The following RP1L1 variants were observed in gnomAD, a reference collection of about 807,000 sequenced individuals.
The protein encoded by RP1L1 is retinitis pigmentosa 1-like 1 protein.
In RP1L1, 27 loss-of-function variants were observed where a neutral mutation model predicts 15.7. The observed-to-expected ratio is 1.72, with a 90% CI of 1.27 to 2.38. The LOEUF (loss-of-function observed/expected upper bound fraction) is 2.38, where lower values mean the gene tolerates loss of function less well. Among genes scored for constraint, RP1L1 ranks in the 30% most tolerant of loss-of-function variants. RP1L1 has a pLI of 0.00. For missense variants in RP1L1, 4,798 were observed against 3,075.9 expected (o/e 1.56, Z -13.24); for synonymous variants, 1,813 against 1,276.7 (o/e 1.42, Z -8.96).
chr8:10,624,473 A>T (rs1211263741), intron 1 of RP1L1, among the ~76,000 whole-genome samples: 2 of 152,220 alleles, frequency 1.3e-5, no homozygotes, highest in Admixed American at 1.3e-4. Context: ...CTCCTGGAGG[A>T]GGTGATGCAG....
In RP1L1 at chr8:10,612,871, C is replaced by A. The variant is rs201081190; in HGVS notation, c.1227G>T (p.Thr409=). 2 of 1,612,910 alleles carry A rather than the reference C, an allele frequency of 1.2e-6. No homozygotes were observed. ...GQPGPKYEIW[T]NPLHASQGER... ...CTCCCTGGGAGGCATGCAGGGGATT[C>A]GTCCAGATTTCATACTTGGGCCCTG... The change falls in exon 4 of 4, where the codon ACG becomes ACT. Residue 409 remains threonine (T), a synonymous_variant. Coordinates refer to ENST00000382483, the MANE Select transcript of RP1L1 (RefSeq NM_178857.6).
chr8:10,637,314 A>G (rs1798345000), intron 1 of RP1L1, among the ~76,000 whole-genome samples: 1 of 152,256 alleles, frequency 6.6e-6, no homozygotes, highest in Admixed American at 6.5e-5. Flanking sequence ...GATTTCCTCC[A>G]GTATTTATCA....
Position 10,609,832 on chromosome 8 carries a change from C to T in RP1L1, c.4266G>A (p.Gln1422=). 1.2e-6 allele frequency: 2 copies of T among 1,614,138 alleles called. No homozygotes were observed. Among genetic ancestry groups the T allele is most frequent in the Non-Finnish European group, 1.7e-6 (2 of 1,180,036 alleles). Residue 1422 remains glutamine, a synonymous_variant, in exon 4 of 4, where the codon CAG becomes CAA. Transcript: ENST00000382483. Reference sequence around the variant, plus strand: ...CCTCCTCCTGGACTGGGTCATCTTCCTGGGAGCCTTTCCCATCCGGAGAGC... The same window carrying T: ...CCTCCTCCTGGACTGGGTCATCTTCTTGGGAGCCTTTCCCATCCGGAGAGC... The part of the protein sequence containing the change: ...EASSPDGKGS[Q]EDDPVQEEEA...
chr8:10,623,359 T>G (rs915158376), intron 1 of RP1L1, 139 bp from the exon 2 acceptor site: 3 of 692,408 alleles, frequency 4.3e-6, no homozygotes, highest in African/African-American at 3.6e-5. Context: ...GTGAATCTAT[T>G]TGGATGGAAC....
chr8:10,632,758 C>A (rs1798271597), intron 1 of RP1L1, among the ~76,000 whole-genome samples: 1 of 152,210 alleles, frequency 6.6e-6, no homozygotes, highest in Non-Finnish European at 1.5e-5. Context: ...CAGGGGTCCC[C>A]TCATTCCCAG....
At chr8:10,651,382 C>G (rs1240568086) in intron 1 of RP1L1, among the ~76,000 whole-genome samples, 1 of 152,066 alleles carries the variant, frequency 6.6e-6, no homozygotes. Flanking sequence ...GGTCAAGGAC[C>G]AAGTGCTCTT....
At chr8:10,621,665 G>C (rs777667575) in intron 2 of RP1L1, 18 of 473,324 alleles carry the variant, frequency 3.8e-5, no homozygotes, top group Admixed American at 3.6e-4. Context: ...GGTGCATACA[G>C]ATGTTAAGGA....
At chr8:10,643,658 G>T (rs1268025219) in intron 1 of RP1L1, among the ~76,000 whole-genome samples, 1 of 152,024 alleles carries the variant, frequency 6.6e-6, no homozygotes, top group Non-Finnish European at 1.5e-5. Context: ...GCTGGAATGT[G>T]GTCTTTCCTG....
At position 10,612,811 on chromosome 8, in the gene RP1L1, G is replaced by C; in HGVS notation, c.1287C>G (p.Ala429=). The C allele has an allele frequency of 6.2e-7, 1 of 1,611,806 alleles. No individual in the cohort carries two copies. Among genetic ancestry groups the C allele is most frequent in the South Asian group, 1.1e-5 (1 of 91,084 alleles). Residue 429 remains alanine, a synonymous_variant, in exon 4 of 4, where the codon GCC becomes GCG. Transcript: ENST00000382483. ...ACAGGCCACTGCAGCGGACGTGCTGGGCCAGTCCCCACCTCTTCCGAGCTG... is the reference window on the plus strand; with the variant it reads ...ACAGGCCACTGCAGCGGACGTGCTGCGCCAGTCCCCACCTCTTCCGAGCTG... ...RVAARKRWGL[A]QHVRCSGLWG... is the part of the protein sequence containing the mutation.
rs755382399 is a variant in RP1L1, at chr8:10,610,698, A to G, written c.3400T>C (p.Ser1134Pro). ...SLQLFEEDLG[S>P]PASKVRFKDS... ...TTGAACCTCACTTTGCTGGCAGGAGACCCAAGGTCTTCCTCAAATAACTGC... is the reference window on the plus strand; with the variant it reads ...TTGAACCTCACTTTGCTGGCAGGAGGCCCAAGGTCTTCCTCAAATAACTGC... Residue 1134 changes from serine (S) to proline (P), a missense_variant, in exon 4 of 4, where the codon TCT becomes CCT. Physicochemically the swap from Ser to Pro is moderately conservative, Grantham distance 74. Coordinates refer to ENST00000382483, the MANE Select transcript of RP1L1 (RefSeq NM_178857.6). 1.2e-6 allele frequency: 2 copies of G among 1,613,494 alleles called. No individual in the cohort carries two copies. The highest frequency in any genetic ancestry group is 8.5e-7 in the Non-Finnish European group (1 of 1,179,998).
At chr8:10,654,739 GA>G (rs1798612713) in intron 1 of RP1L1, among the ~76,000 whole-genome samples, 158 bp downstream of exon 1, 1 of 152,228 alleles carries the variant, frequency 6.6e-6, no homozygotes, top group Non-Finnish European at 1.5e-5. Flanking sequence ...TTGCAGAAGA[GA>G]ACCGATCCTG....
At chr8:10,640,459 AG>A (rs1326921183) in intron 1 of RP1L1, among the ~76,000 whole-genome samples, 1 of 152,108 alleles carries the variant, frequency 6.6e-6, no homozygotes, top group African/African-American at 2.4e-5. Context: ...CAAGAGTTTA[AG>A]ACAAGCCTGG....
chr8:10,615,525 ATGGCCAC>A lies in RP1L1; in HGVS notation c.751+914_751+920del, dbSNP rs1325159824. Among the ~76,000 whole-genome samples the A allele has an allele frequency of 3.3e-5, 5 of 152,162 alleles. No individual in the cohort carries two copies. In the East Asian group the frequency reaches 7.7e-4, roughly 23 times the overall value. On this transcript the variant is annotated intron_variant, in intron 3 of 3. Transcript: ENST00000382483. ...CACGGCCCATTGCTGCCATGATGTC[ATGGCCAC>A]TGTAGTTGTTTCTTTTTTGAGGCAG...
chr8:10,606,740 A>G lies in RP1L1; in HGVS notation c.*155T>C. On this transcript the variant is annotated 3_prime_UTR_variant, in exon 4 of 4. Coordinates refer to ENST00000382483, the MANE Select transcript of RP1L1 (RefSeq NM_178857.6). ...CACTTCTGGACTTAAGAGTCCCAGG[A>G]CAGCATGGCATGGGCTGTGTCCTTG... is the stretch of plus-strand genomic sequence containing the variant. The G allele has an allele frequency of 7.8e-7, 1 of 1,278,962 alleles. No homozygotes were observed. The highest frequency in any genetic ancestry group is 2.5e-5 in the East Asian group (1 of 40,096). The allele number at this position is 1,278,962 out of a possible 1,614,324, so 79.2% of individuals were successfully genotyped here. A position where few individuals can be genotyped will look rare whatever the true frequency, so the allele number is the denominator to read the frequency against.
intron 3 of RP1L1, among the ~76,000 whole-genome samples, chr8:10,615,897 C>T (rs1474954848): frequency 6.6e-6 from 1 of 152,000 alleles, no homozygotes; most frequent in East Asian, 1.9e-4. Flanking sequence ...ATCTCTTAAT[C>T]CCTGTTCCAT....
At chr8:10,614,548 C>A (rs911722794) in intron 3 of RP1L1, among the ~76,000 whole-genome samples, 4 of 151,962 alleles carry the variant, frequency 2.6e-5, no homozygotes, top group African/African-American at 9.7e-5. Flanking sequence ...GTAATCCCAG[C>A]CACTCGGGAG....
At chr8:10,632,035 G>C (rs1798260857) in intron 1 of RP1L1, among the ~76,000 whole-genome samples, 1 of 152,236 alleles carries the variant, frequency 6.6e-6, no homozygotes, top group Non-Finnish European at 1.5e-5. Flanking sequence ...ACGGTGGGCA[G>C]TGGGGGAGGG....
rs1177418392 is a variant in RP1L1 at position 10,607,953 on chromosome 8, G to A, written c.6145C>T (p.Gln2049Ter). ...GETQKTEGDAQPESDGVEAPE... is the reference protein window; with the variant it reads ...GETQKTEGDA ...GCCTCTACACCGTCTGACTCTGGCT[G>A]GGCATCCCCTTCTGTCTTCTGGGTC... is the stretch of plus-strand genomic sequence containing the variant. The change falls in exon 4 of 4, where the codon CAG becomes TAG. Residue 2049 changes from glutamine to a stop codon, truncating the protein, a stop_gained. Coordinates refer to ENST00000382483, the MANE Select transcript of RP1L1 (RefSeq NM_178857.6). LOFTEE classifies it low-confidence loss of function (END_TRUNC). 3 of 1,611,482 alleles carry A rather than the reference G, an allele frequency of 1.9e-6. No homozygotes were observed. Among genetic ancestry groups the A allele is most frequent in the South Asian group, 2.2e-5 (2 of 90,934 alleles).
chr8:10,610,080 C>CTTGCAGCCCTTCTTCTGTTTTAGTTTA lies in RP1L1; in HGVS notation c.4017_4018insTAAACTAAAACAGAAGAAGGGCTGCAA (p.Glu1339_Glu1340insTer). ...CCTTCTCCTTCTGTTTCTTTAGTTTCCTCTAACTGCACCCCCTCTTCTTGC... is the reference window on the plus strand; with the variant it reads ...CCTTCTCCTTCTGTTTCTTTAGTTTCTTGCAGCCCTTCTTCTGTTTTAGTTTACTCTAACTGCACCCCCTCTTCTTGC... On this transcript the variant is annotated stop_gained and inframe_insertion, in exon 4 of 4. Transcript: ENST00000382483. LOFTEE classifies it low-confidence loss of function (END_TRUNC). 8 of 1,501,550 alleles carry CTTGCAGCCCTTCTTCTGTTTTAGTTTA rather than the reference C, an allele frequency of 5.3e-6. 3 individuals carry two copies. Among genetic ancestry groups the CTTGCAGCCCTTCTTCTGTTTTAGTTTA allele is most frequent in the Admixed American group, 3.9e-5 (2 of 51,476 alleles). The allele number at this position is 1,501,550 out of a possible 1,614,324, so 93.0% of individuals were successfully genotyped here.
Sources: gnomAD v4.1 joint callset for allele counts (sites outside exome capture counted in the v4.1 genomes callset) on GRCh38, gnomAD v4.1.1 for gene constraint, MANE v1.5 for transcripts, NCBI Gene and HGNC (gene_info 2026-07-23, HGNC 2026-07-21) for gene names.